OPCML: variants seen among roughly 807,000 people sequenced by gnomAD.
OPCML encodes the protein opioid-binding protein/cell adhesion molecule.
In OPCML, 13 loss-of-function variants were observed where a neutral mutation model predicts 37.8. The ratio of observed to expected loss-of-function variants is 0.34; its 90% CI spans 0.22 to 0.55. OPCML has a LOEUF of 0.55. OPCML is among the 20% of genes least tolerant of loss of function. The pLI is 0.91. For missense variants in OPCML, 341 were observed against 435.6 expected, an observed-to-expected ratio of 0.78 and a Z score of 1.93; for synonymous variants, 176 against 168.8, an observed-to-expected ratio of 1.04 and a Z score of -0.33.
At chr11:133,161,277 T>C (rs1179597823) in intron 1 of OPCML, among the ~76,000 whole-genome samples, 1 of 152,178 alleles carries the variant, frequency 6.6e-6, no homozygotes, top group Non-Finnish European at 1.5e-5. Context: ...AGTTCAGTAA[T>C]TCAACAGAGG....
chr11:133,277,919 A>T (rs893583479), intron 1 of OPCML, among the ~76,000 whole-genome samples: 2 of 152,160 alleles, frequency 1.3e-5, no homozygotes, highest in African/African-American at 4.8e-5. Context: ...TAGTTGCCCA[A>T]GGTCACTCTG....
intron 2 of OPCML, among the ~76,000 whole-genome samples, chr11:132,767,730 A>C (rs528786166): frequency 2.6e-5 from 4 of 152,326 alleles, no homozygotes; most frequent in Admixed American, 2.6e-4. Flanking sequence ...ACAAACTGGT[A>C]CAATCTGAGT....
chr11:133,184,841 T>C (rs563211490), intron 1 of OPCML, among the ~76,000 whole-genome samples: 32 of 152,300 alleles, frequency 2.1e-4, no homozygotes, highest in African/African-American at 7.2e-4. Context: ...GGCAGGTGAA[T>C]GATAGCCCTG....
intron 1 of OPCML, among the ~76,000 whole-genome samples, chr11:133,218,894 A>G (rs542618144): frequency 1.3e-5 from 2 of 152,350 alleles, no homozygotes; most frequent in African/African-American, 4.8e-5. Flanking sequence ...ATACCACCGT[A>G]AAACCTGGTA....
chr11:132,638,841 A>C (rs1940681539), intron 3 of OPCML, among the ~76,000 whole-genome samples: 2 of 152,072 alleles, frequency 1.3e-5, no homozygotes. Flanking sequence ...CTAACCTCTA[A>C]GCCTTTAGGA....
intron 1 of OPCML, among the ~76,000 whole-genome samples, chr11:133,446,653 CT>C (rs1322593983): frequency 7.9e-5 from 12 of 152,188 alleles, no homozygotes; most frequent in African/African-American, 2.9e-4. Context: ...TTTTAGAACC[CT>C]TTCCAACATC....
intron 1 of OPCML, among the ~76,000 whole-genome samples, chr11:133,491,089 G>A (rs959412619): frequency 1.3e-5 from 2 of 152,212 alleles, no homozygotes; most frequent in Non-Finnish European, 2.9e-5. Flanking sequence ...AGTCAGCAGT[G>A]TGAAATTCTA....
intron 2 of OPCML, among the ~76,000 whole-genome samples, chr11:132,747,633 G>A (rs2136058278): frequency 6.6e-6 from 1 of 152,292 alleles, no homozygotes; most frequent in Admixed American, 6.5e-5. Flanking sequence ...CTCAGACACT[G>A]CGATTGACTG....
At chr11:133,129,543 A>G (rs575828264) in intron 1 of OPCML, among the ~76,000 whole-genome samples, 1 of 152,294 alleles carries the variant, frequency 6.6e-6, no homozygotes, top group Admixed American at 6.5e-5. Flanking sequence ...AAAAATAGAA[A>G]TATCTTGTGC....
chr11:132,812,707 T>C (rs1300229949), intron 2 of OPCML, among the ~76,000 whole-genome samples: 1 of 152,218 alleles, frequency 6.6e-6, no homozygotes, highest in East Asian at 1.9e-4. Flanking sequence ...ACTACAATGA[T>C]CTTGATTATC....
chr11:132,565,084 T>A (rs2096419313), intron 3 of OPCML, among the ~76,000 whole-genome samples: 1 of 152,116 alleles, frequency 6.6e-6, no homozygotes, highest in African/African-American at 2.4e-5. Flanking sequence ...ATCTTAACGG[T>A]ATCTCTACAA....
chr11:132,781,515 T>A (rs1947012566), intron 2 of OPCML, among the ~76,000 whole-genome samples: 1 of 152,014 alleles, frequency 6.6e-6, no homozygotes, highest in African/African-American at 2.4e-5. Context: ...GTGGGACTTC[T>A]CAGCCTCCAT....
intron 1 of OPCML, among the ~76,000 whole-genome samples, chr11:133,145,231 G>C (rs931122837): frequency 6.6e-6 from 1 of 152,166 alleles, no homozygotes; most frequent in Non-Finnish European, 1.5e-5. Context: ...GGGTGCTGTG[G>C]AAATGTTCTA....
At chr11:132,902,724 A>C (rs1944105044) in intron 2 of OPCML, among the ~76,000 whole-genome samples, 1 of 151,946 alleles carries the variant, frequency 6.6e-6, no homozygotes, top group Admixed American at 6.6e-5. Flanking sequence ...CTCTCTCTTG[A>C]ATTTCCTTAT....
chr11:132,679,584 C>A (rs752285644), intron 2 of OPCML, among the ~76,000 whole-genome samples: 1 of 151,920 alleles, frequency 6.6e-6, no homozygotes, highest in Non-Finnish European at 1.5e-5. Context: ...CCTAAGATTG[C>A]GAAGGAAAGA....
chr11:133,212,103 G>A lies in OPCML; in HGVS notation c.62-269093C>T, dbSNP rs970407715. On this transcript the variant is annotated intron_variant, in intron 1 of 7. Transcript: ENST00000524381. The surrounding 1 kb of genome is among the most constrained non-coding windows in gnomAD (Gnocchi z 4.9). ...GGGTTACACCTGCATAGTGAGGTGG[G>A]GGGTCAGGATCCTTCACCTGCTGGA... 6.6e-6 allele frequency among the ~76,000 whole-genome samples: 1 copy of A among 152,018 alleles called. No homozygotes were observed. Among genetic ancestry groups the A allele is most frequent in the Non-Finnish European group, 1.5e-5 (1 of 68,002 alleles).
intron 3 of OPCML, among the ~76,000 whole-genome samples, chr11:132,649,833 A>G (rs1941335662): frequency 6.6e-6 from 1 of 152,138 alleles, no homozygotes; most frequent in African/African-American, 2.4e-5. Flanking sequence ...GAGGAGAAAT[A>G]TGTTGGTTGT....
intron 2 of OPCML, among the ~76,000 whole-genome samples, chr11:132,911,373 G>A (rs1479149357): frequency 1.3e-5 from 2 of 152,204 alleles, no homozygotes; most frequent in African/African-American, 4.8e-5. Flanking sequence ...TCATTCTATG[G>A]TGCAGAAAGA....
chr11:133,041,946 A>G (rs1484763274), intron 1 of OPCML, among the ~76,000 whole-genome samples: 1 of 152,124 alleles, frequency 6.6e-6, no homozygotes, highest in Non-Finnish European at 1.5e-5. Flanking sequence ...TCCAAATCCC[A>G]GGACCTGGCT....
Sources: gnomAD v4.1 joint callset for allele counts (sites outside exome capture counted in the v4.1 genomes callset) on GRCh38, gnomAD v4.1.1 for gene constraint, Gnocchi (gnomAD v3.1) non-coding constraint, MANE v1.5 for transcripts, NCBI Gene and HGNC (gene_info 2026-07-23, HGNC 2026-07-21) for gene names.